TACR1: variants seen among roughly 807,000 people sequenced by gnomAD.
TACR1 encodes substance-P receptor.
In TACR1, 25 loss-of-function variants were observed where a neutral mutation model predicts 35.8. The ratio of observed to expected loss-of-function variants is 0.70; its 90% CI spans 0.51 to 0.98. TACR1 has a LOEUF of 0.98. Ranked by LOEUF, TACR1 falls within the 50% of genes least tolerant of loss-of-function variation. The probability of loss-of-function intolerance (pLI) is 0.00; values close to 1 mark genes in which losing one functional copy is unlikely to be tolerated. For synonymous variants in TACR1, 195 were observed against 206.7 expected (o/e 0.94, Z 0.48); for missense variants, 478 against 522.9 (o/e 0.91, Z 0.84).
chr2:75,191,476 G>A (rs193035112), intron 1 of TACR1, among the ~76,000 whole-genome samples: 15 of 152,172 alleles, frequency 9.9e-5, no homozygotes, highest in East Asian at 7.7e-4. Context: ...TTGGGTAGAC[G>A]GGAGGTAAGA....
intron 1 of TACR1, among the ~76,000 whole-genome samples, chr2:75,175,488 C>T (rs1185138774): frequency 1.3e-5 from 2 of 152,154 alleles, no homozygotes; most frequent in South Asian, 4.1e-4. Flanking sequence ...TAAAGATGTC[C>T]TTGCAGAGAC....
chr2:75,049,031 G>C lies in TACR1; in HGVS notation c.*401C>G, dbSNP rs1380279070. 5.7e-6 allele frequency: 1 copy of C among 174,018 alleles called. No homozygotes were observed. The highest frequency in any genetic ancestry group is 2.4e-5 in the African/African-American group (1 of 42,158). The allele number at this position is 174,018 out of a possible 1,614,324, so 10.8% of individuals were successfully genotyped here. ...CTCCAGCTGCAGGAGGCTAATCTGA[G>C]ATAACTTTATTGAAGTAACACGGGG... On this transcript the variant is annotated 3_prime_UTR_variant, in exon 5 of 5. Coordinates refer to ENST00000305249, the MANE Select transcript of TACR1 (RefSeq NM_001058.4).
chr2:75,095,551 A>G (rs1673405336), intron 2 of TACR1, among the ~76,000 whole-genome samples: 1 of 152,108 alleles, frequency 6.6e-6, no homozygotes, highest in African/African-American at 2.4e-5. Context: ...GCACGAATGG[A>G]TCAGTTTTGC....
At chr2:75,099,011 T>C (rs1673479886) in intron 2 of TACR1, among the ~76,000 whole-genome samples, 1 of 151,792 alleles carries the variant, frequency 6.6e-6, no homozygotes, top group Admixed American at 6.6e-5. Context: ...TCCAGACCAC[T>C]TCCCCTTGTG....
chr2:75,195,407 C>CT (rs57066941), intron 1 of TACR1, among the ~76,000 whole-genome samples: 23,674 of 143,938 alleles, frequency 0.16, 2,563 homozygotes, highest in African/African-American at 0.33. Context: ...TCCTTTCCCC[C>CT]CATCCCTTTT....
At chr2:75,193,748 T>C (rs2103632206) in intron 1 of TACR1, among the ~76,000 whole-genome samples, 1 of 152,346 alleles carries the variant, frequency 6.6e-6, no homozygotes, top group East Asian at 1.9e-4. Flanking sequence ...CATTCATCAC[T>C]GCTGGGCAGG....
intron 2 of TACR1, among the ~76,000 whole-genome samples, chr2:75,090,577 C>G (rs1226724493): frequency 6.6e-6 from 1 of 152,118 alleles, no homozygotes; most frequent in African/African-American, 2.4e-5. Flanking sequence ...TTAAATTTAC[C>G]TATAGCCTGG....
chr2:75,084,152 G>T (rs1673145463), intron 2 of TACR1, among the ~76,000 whole-genome samples: 1 of 152,118 alleles, frequency 6.6e-6, no homozygotes, highest in African/African-American at 2.4e-5. Flanking sequence ...GTTGAATTTT[G>T]TTGAAGGCCT....
intron 2 of TACR1, among the ~76,000 whole-genome samples, chr2:75,082,028 G>C (rs181150009): frequency 6.6e-6 from 1 of 151,124 alleles, no homozygotes; most frequent in Non-Finnish European, 1.5e-5. Flanking sequence ...CCATTAACTC[G>C]TCATTTACAT....
chr2:75,121,193 T>A (rs1572941987), intron 1 of TACR1, among the ~76,000 whole-genome samples: 2 of 152,198 alleles, frequency 1.3e-5, no homozygotes, highest in Non-Finnish European at 2.9e-5. Flanking sequence ...TCAGTCCTTA[T>A]GTGATATTAT....
chr2:75,132,475 T>G (rs1674196867), intron 1 of TACR1, among the ~76,000 whole-genome samples: 1 of 152,202 alleles, frequency 6.6e-6, no homozygotes, highest in Admixed American at 6.5e-5. Flanking sequence ...AAATGTCTAG[T>G]CATTCTTTAT....
At chr2:75,117,393 A>T (rs1395870314) in intron 2 of TACR1, among the ~76,000 whole-genome samples, 1 of 152,210 alleles carries the variant, frequency 6.6e-6, no homozygotes, top group African/African-American at 2.4e-5. Flanking sequence ...TTACACAATT[A>T]TTCATCAATT....
intron 1 of TACR1, among the ~76,000 whole-genome samples, chr2:75,146,360 C>T (rs946385502): frequency 1.2e-4 from 18 of 152,218 alleles, no homozygotes; most frequent in African/African-American, 3.9e-4. Context: ...TGACCTCAGG[C>T]GATCTGCCAG....
rs201664011 is a variant in TACR1 at position 75,049,279 on chromosome 2, C to T, written c.*153G>A. ...AGGGAAGAATTGAGATTTTTTGACT[C>T]AAGGATGGAATGTTTTCCCTAACCC... On this transcript the variant is annotated 3_prime_UTR_variant, in exon 5 of 5. Transcript: ENST00000305249. 15 of 824,888 alleles carry T rather than the reference C, an allele frequency of 1.8e-5. No individual in the cohort carries two copies. Among genetic ancestry groups the T allele is most frequent in the Non-Finnish European group, 2.8e-5 (15 of 542,484 alleles). 51.1% of individuals were successfully genotyped at this position (824,888 alleles called of 1,614,324 possible).
At chr2:75,061,486 CTG>C (rs2103797710) in intron 2 of TACR1, among the ~76,000 whole-genome samples, 1 of 152,236 alleles carries the variant, frequency 6.6e-6, no homozygotes, top group South Asian at 2.1e-4. Context: ...AGGAAGCTGT[CTG>C]TGTGTTTGGT....
intron 2 of TACR1, among the ~76,000 whole-genome samples, chr2:75,072,553 T>C (rs1672903423): frequency 1.3e-5 from 2 of 152,238 alleles, no homozygotes; most frequent in African/African-American, 4.8e-5. Flanking sequence ...AAACTGGGCA[T>C]TGGCATTGGC....
intron 1 of TACR1, among the ~76,000 whole-genome samples, chr2:75,179,584 T>G (rs1196627718): frequency 6.6e-6 from 1 of 152,266 alleles, no homozygotes; most frequent in Non-Finnish European, 1.5e-5. Flanking sequence ...ATTCATAGGC[T>G]TGCCCACATT....
In TACR1 at chr2:75,198,890, G is replaced by C; in HGVS notation, c.45C>G (p.Ile15Met). ...GATTGGGTTCCGAGGTGTTAGTGGA[G>C]ATGTTTGGGGAGAGGTCTGAGTCCA... ...LPVDSDLSPNISTNTSEPNQF... is the reference protein window; with the variant it reads ...LPVDSDLSPNMSTNTSEPNQF... The change falls in exon 1 of 5, where the codon ATC becomes ATG. Residue 15 changes from isoleucine to methionine, a missense_variant. Transcript: ENST00000305249. The C allele has an allele frequency of 6.2e-7, 1 of 1,613,972 alleles. No homozygotes were observed. The highest frequency in any genetic ancestry group is 8.5e-7 in the Non-Finnish European group (1 of 1,180,038).
chr2:75,099,902 AAC>A (rs1673501474), intron 2 of TACR1, among the ~76,000 whole-genome samples: 1 of 152,194 alleles, frequency 6.6e-6, no homozygotes, highest in Non-Finnish European at 1.5e-5. Flanking sequence ...GACCTCACAG[AAC>A]ACATATGTCC....
Sources: allele counts gnomAD v4.1 joint callset (sites outside exome capture counted in the v4.1 genomes callset), GRCh38; gene constraint gnomAD v4.1.1; transcripts MANE v1.5; gene names NCBI Gene and HGNC (gene_info 2026-07-23, HGNC 2026-07-21).